Variants in TTN observed in about 807,000 individuals in gnomAD.
TTN encodes connectin.
TTN carries 1,525 observed loss-of-function variants against 3,223.0 expected under a neutral mutation model. The ratio of observed to expected loss-of-function variants is 0.47; its 90% CI spans 0.45 to 0.49. The LOEUF is 0.49. Ranked by LOEUF, TTN falls within the 20% of genes least tolerant of loss-of-function variation. The pLI, the probability that TTN is intolerant of heterozygous loss-of-function variation, is 0.00. For synonymous variants in TTN, 14,094 were observed against 15,161.0 expected, an observed-to-expected ratio of 0.93 and a Z score of 5.17; for missense variants, 40,786 against 43,424.0, an observed-to-expected ratio of 0.94 and a Z score of 5.40.
chr2:178,607,073 A>G lies in TTN; in HGVS notation c.53529T>C (p.Phe17843=), dbSNP rs1315156451. 6.2e-7 allele frequency: 1 copy of G among 1,612,132 alleles called. No individual in the cohort carries two copies. The highest frequency in any genetic ancestry group is 1.3e-5 in the African/African-American group (1 of 74,920). The part of the protein sequence containing the change: ...YKFRVIAKNK[F]GCGPPVEIGP... Reference sequence around the variant, plus strand: ...CTATTTCAACAGGAGGGCCACAGCCAAACTTGTTCTTGGCAATAACACGGA... The same window carrying G: ...CTATTTCAACAGGAGGGCCACAGCCGAACTTGTTCTTGGCAATAACACGGA... Residue 17843 remains phenylalanine, a synonymous_variant, in exon 278 of 363, where the codon TTT becomes TTC. Transcript: ENST00000589042.
Position 178,577,655 on chromosome 2 carries a change from G to A in TTN, c.68771C>T (p.Ala22924Val). The A allele has an allele frequency of 6.2e-7, 1 of 1,612,968 alleles. No homozygotes were observed. Residue 22924 changes from alanine to valine, a missense_variant, in exon 323 of 363, where the codon GCT (alanine) becomes GTT (valine). Ala to Val is a moderately conservative substitution (Grantham distance 64). Transcript: ENST00000589042. ...FRIRAKNTAG[A>V]ISAPSESTET... ...TGTACTTTCTGATGGAGCACTGATAGCACCTGCTGTATTCTTTGCTCTAAT... is the reference window on the plus strand; with the variant it reads ...TGTACTTTCTGATGGAGCACTGATAACACCTGCTGTATTCTTTGCTCTAAT...
intron 259 of TTN, 99 bp downstream of exon 259, chr2:178,615,208 T>A: frequency 7.1e-7 from 1 of 1,408,300 alleles, no homozygotes. Context: ...CAGCATAGGA[T>A]TCTCAATGAA....
intron 6 of TTN, chr2:178,798,532 A>G (rs1467429765): frequency 6.6e-6 from 1 of 152,206 alleles, no homozygotes; most frequent in Non-Finnish European, 1.5e-5. Context: ...CCATCTGAAT[A>G]TAAGAATATT....
In TTN at chr2:178,717,100, A is replaced by G; in HGVS notation, c.25634T>C (p.Val8545Ala). The stretch of plus-strand genomic sequence containing the variant: ...TCCTTCACTCTAACAAGTACCTTGT[A>G]CACCCAGCTGAGCAGAACAAGAGTC... ...GKDSCSAQLGVQEPPRFIKKL... is the reference protein window; with the variant it reads ...GKDSCSAQLGAQEPPRFIKKL... The change falls in exon 88 of 363, where the codon GTA becomes GCA. Residue 8545 changes from valine (V) to alanine (A), a missense_variant. Transcript: ENST00000589042. 1.2e-6 allele frequency: 2 copies of G among 1,610,138 alleles called. No homozygotes were observed. The highest frequency in any genetic ancestry group is 1.7e-6 in the Non-Finnish European group (2 of 1,177,086).
In TTN at chr2:178,689,142, G is replaced by C; in HGVS notation, c.32012-6C>G. ...TTTCTTAGGCAGAGCTGGCACTTTA[G>C]AGACATTATGCACTTTTAGAAATTT... On this transcript the variant is annotated splice_polypyrimidine_tract_variant and splice_region_variant and intron_variant, in intron 124 of 362. Coordinates refer to ENST00000589042, the MANE Select transcript of TTN (RefSeq NM_001267550.2). The C allele has an allele frequency of 2.5e-6, 4 of 1,601,172 alleles. No homozygotes were observed. The highest frequency in any genetic ancestry group is 3.4e-6 in the Non-Finnish European group (4 of 1,176,526).
rs1553711574 is a variant in TTN at position 178,618,335 on chromosome 2, G to C, written c.47123C>G (p.Thr15708Arg). 1 of 1,612,634 alleles carries C rather than the reference G, an allele frequency of 6.2e-7. No individual in the cohort carries two copies. The highest frequency in any genetic ancestry group is 8.5e-7 in the Non-Finnish European group (1 of 1,179,104). ...AAACTCACAACTCTCTGCACGGTCT[G>C]TGGCCAGAACCCAGGTCTTTCTCTT... ...DIKRKTWVLA[T>R]DRAESCEFTV... Residue 15708 changes from threonine (T) to arginine (R), a missense_variant, in exon 252 of 363, where the codon ACA becomes AGA. Coordinates refer to ENST00000589042, the MANE Select transcript of TTN (RefSeq NM_001267550.2).
At chr2:178,805,901 G>A (rs773462822) in intron 1 of TTN, among the ~76,000 whole-genome samples, 1 of 152,258 alleles carries the variant, frequency 6.6e-6, no homozygotes, top group South Asian at 2.1e-4. Context: ...GTGCAAGAAA[G>A]TACTTTGCCT....
At position 178,800,435 on chromosome 2, in the gene TTN, G is replaced by T; in HGVS notation, c.543C>A (p.Ser181Arg). 1 of 1,614,108 alleles carries T rather than the reference G, an allele frequency of 6.2e-7. No individual in the cohort carries two copies. Among genetic ancestry groups the T allele is most frequent in the Non-Finnish European group, 8.5e-7 (1 of 1,180,004 alleles). ...CAGCAGTCGAAGTAGCTCTTCCAAC[G>T]CTATTGGTGGCATTTACTGAATAGG... ...SGTYSVNATN[S>R]VGRATSTAEL... Residue 181 changes from serine to arginine, a missense_variant, in exon 4 of 363, where the codon AGC (serine) becomes AGA (arginine). Transcript: ENST00000589042.
Position 178,526,051 on chromosome 2 carries a change from T to A in TTN, c.*961A>T, listed in dbSNP as rs1686304629. The A allele has an allele frequency of 6.5e-6, 1 of 152,676 alleles. No homozygotes were observed. Among genetic ancestry groups the A allele is most frequent in the Non-Finnish European group, 1.5e-5 (1 of 68,048 alleles). 9.5% of individuals were successfully genotyped at this position (152,676 alleles called of 1,614,324 possible). On this transcript the variant is annotated 3_prime_UTR_variant, in exon 363 of 363. Transcript: ENST00000589042. ...CTATCTCAAGGAGGTCCAACAATTA[T>A]AACTAACAATTGAATTTATACTTGC...
In TTN at chr2:178,609,977, T is replaced by C. The variant is rs2055912610; in HGVS notation, c.51446A>G (p.Asp17149Gly). Residue 17149 changes from aspartate (D) to glycine (G), a missense_variant, in exon 272 of 363, where the codon GAT becomes GGT. By Grantham distance (94) the Asp-to-Gly change is moderately conservative. Coordinates refer to ENST00000589042, the MANE Select transcript of TTN (RefSeq NM_001267550.2). ...VIAQDPKQPP[D>G]PPVDVEVHNP... is the part of the protein sequence containing the mutation. ...ATGAACCTCTACATCTACAGGTGGA[T>C]CAGGGGGTTCTGAAGAACAAGAAAA... 6.2e-7 allele frequency: 1 copy of C among 1,610,840 alleles called. No homozygotes were observed. The highest frequency in any genetic ancestry group is 1.7e-5 in the Admixed American group (1 of 59,536).
Position 178,551,101 on chromosome 2 carries a change from C to G in TTN, c.91430G>C (p.Ser30477Thr), listed in dbSNP as rs1699253758. ...TCCTGTAACTGTGTACTGACATTCA[C>G]TGACGTCAGTAAAGTTGCATCTCAC... ...RWVRCNFTDV[S>T]ECQYTVTGLS... Residue 30477 changes from serine (S) to threonine (T), a missense_variant, in exon 336 of 363, where the codon AGT (serine) becomes ACT (threonine). Transcript: ENST00000589042. The G allele has an allele frequency of 6.2e-7, 1 of 1,613,452 alleles. No homozygotes were observed. Among genetic ancestry groups the G allele is most frequent in the Non-Finnish European group, 8.5e-7 (1 of 1,179,636 alleles).
At position 178,666,402 on chromosome 2, in the gene TTN, G is replaced by A. The variant is rs138914185; in HGVS notation, c.35875+422C>T. Among the ~76,000 whole-genome samples, 1,075 of 152,244 alleles carry A rather than the reference G, an allele frequency of 7.1e-3. 14 individuals are homozygous for A. Among genetic ancestry groups the A allele is most frequent in the African/African-American group, 0.025 (1,034 of 41,560 alleles). ...GCTATGAGAGGAGCAAATGAACATG[G>A]AGGGGAGATTTCCAGCTTTAACTGG... On this transcript the variant is annotated intron_variant, in intron 163 of 362. Coordinates refer to ENST00000589042, the MANE Select transcript of TTN (RefSeq NM_001267550.2).
At chr2:178,588,412 G>T in intron 304 of TTN, 126 bp downstream of exon 304, 1 of 1,267,506 alleles carries the variant, frequency 7.9e-7, no homozygotes, top group Non-Finnish European at 1.1e-6. Context: ...GGTCTATTTG[G>T]AAAAATATTT....
In TTN at chr2:178,560,708, G is replaced by A; in HGVS notation, c.85424C>T (p.Pro28475Leu). ...GATATCTGCACCACCATCTTCTTGG[G>A]GACGTCCCCAGGAAAGAGAGCATTT... ...AEKCSLSWGR[P>L]QEDGGADIDY... The change falls in exon 326 of 363, where the codon CCC becomes CTC. Residue 28475 changes from proline (P) to leucine (L), a missense_variant. By Grantham distance (98) the Pro-to-Leu change is moderately conservative. Coordinates refer to ENST00000589042, the MANE Select transcript of TTN (RefSeq NM_001267550.2). The A allele has an allele frequency of 2.5e-6, 4 of 1,613,530 alleles. No homozygotes were observed. The highest frequency in any genetic ancestry group is 3.4e-6 in the Non-Finnish European group (4 of 1,179,776).
rs773799312 is a variant in TTN, at chr2:178,722,887, C to T, written c.22012G>A (p.Asp7338Asn). The T allele has an allele frequency of 5.6e-6, 9 of 1,612,932 alleles. No individual in the cohort carries two copies. In the East Asian group the frequency reaches 2.0e-4, roughly 36 times the overall value. ...ELEPLEAAVG[D>N]SVSLQCQVAG... Reference sequence around the variant, plus strand: ...ACTTGGCATTGTAAAGAAACCGAATCTCCAACTGCTGCCTCCAGAGGTTCC... The same window carrying T: ...ACTTGGCATTGTAAAGAAACCGAATTTCCAACTGCTGCCTCCAGAGGTTCC... The change falls in exon 76 of 363, where the codon GAT becomes AAT. Residue 7338 changes from aspartate to asparagine, a missense_variant. Transcript: ENST00000589042.
In TTN at chr2:178,620,847, T is replaced by A; in HGVS notation, c.45763A>T (p.Ile15255Phe). ...GTGTAGACTAGGTCTTTTTGGAGAA[T>A]GATGTATTTTGAACTATCAAATATA... ...EAIFDSSKYI[I>F]LQKDLVYTLR... is the part of the protein sequence containing the mutation. The change falls in exon 247 of 363, where the codon ATT becomes TTT. Residue 15255 changes from isoleucine (I) to phenylalanine (F), a missense_variant. By Grantham distance (21) the Ile-to-Phe change is conservative. Coordinates refer to ENST00000589042, the MANE Select transcript of TTN (RefSeq NM_001267550.2). 1 of 1,612,524 alleles carries A rather than the reference T, an allele frequency of 6.2e-7. No individual in the cohort carries two copies. Among genetic ancestry groups the A allele is most frequent in the Non-Finnish European group, 8.5e-7 (1 of 1,179,100 alleles).
Position 178,741,811 on chromosome 2 carries a change from G to A in TTN, c.11422C>T (p.Pro3808Ser), listed in dbSNP as rs2627037. Residue 3808 changes from proline to serine, a missense_variant, in exon 48 of 363, where the codon CCA becomes TCA. Transcript: ENST00000589042. ...LELLSESPVY[P>S]TKFDSEKEGT... ...TCCTTTTCGGAATCAAATTTAGTTGGGTAAACTGGAGATTCAGACAAAAGT... is the reference window on the plus strand; with the variant it reads ...TCCTTTTCGGAATCAAATTTAGTTGAGTAAACTGGAGATTCAGACAAAAGT... 0.12 allele frequency: 188,595 copies of A among 1,612,258 alleles called. 19,490 individuals carry two copies. Among genetic ancestry groups the A allele is most frequent in the African/African-American group, 0.42 (31,595 of 74,836 alleles).
chr2:178,775,756 A>C lies in TTN; in HGVS notation c.6108T>G (p.Asp2036Glu). Residue 2036 changes from aspartate to glutamate, a missense_variant, in exon 28 of 363, where the codon GAT (aspartate) becomes GAG (glutamate). Coordinates refer to ENST00000589042, the MANE Select transcript of TTN (RefSeq NM_001267550.2). ...ACTCTTTGGTCCAGTGGAGAAGTTCATCTTTTGTCTTCCTGAGGAGTTCCT... is the reference window on the plus strand; with the variant it reads ...ACTCTTTGGTCCAGTGGAGAAGTTCCTCTTTTGTCTTCCTGAGGAGTTCCT... ...SYEELLRKTK[D>E]ELLHWTKELT... The C allele has an allele frequency of 1.2e-6, 2 of 1,613,824 alleles. No individual in the cohort carries two copies. Among genetic ancestry groups the C allele is most frequent in the South Asian group, 2.2e-5 (2 of 91,058 alleles).
chr2:178,530,724 A>G lies in TTN; in HGVS notation c.105891T>C (p.Ser35297=). 6.2e-7 allele frequency: 1 copy of G among 1,613,880 alleles called. No homozygotes were observed. Among genetic ancestry groups the G allele is most frequent in the Non-Finnish European group, 8.5e-7 (1 of 1,179,870 alleles). ...CACAGGTCAGTTTTGCAATCTCTTT[A>G]GAAGCTTCTGCTTTCAGGAACTGAG... ...KITQFLKAEA[S]KEIAKLTCVV... The change falls in exon 358 of 363, where the codon TCT becomes TCC. Residue 35297 remains serine (S), a synonymous_variant. Transcript: ENST00000589042.
Sources: allele counts gnomAD v4.1 joint callset (sites outside exome capture counted in the v4.1 genomes callset), GRCh38; gene constraint gnomAD v4.1.1; transcripts MANE v1.5; gene names NCBI Gene and HGNC (gene_info 2026-07-23, HGNC 2026-07-21).